Variants in CDH13 observed in about 807,000 individuals in gnomAD.
CDH13 encodes the protein cadherin-13.
Under a neutral mutation model 63.8 loss-of-function variants are expected in CDH13, and 24 were observed. The ratio of observed to expected loss-of-function variants is 0.38; its 90% confidence interval spans 0.27 to 0.53. The LOEUF is 0.53. CDH13 is among the 20% of genes least tolerant of loss of function. The probability of loss-of-function intolerance (pLI) is 0.85; values close to 1 mark genes in which losing one functional copy is unlikely to be tolerated. For missense variants in CDH13, 1,049 were observed against 903.1 expected, an observed-to-expected ratio of 1.16 and a Z score of -2.07; for synonymous variants, 503 against 355.3, an observed-to-expected ratio of 1.42 and a Z score of -4.67.
intron 6 of CDH13, among the ~76,000 whole-genome samples, chr16:83,407,733 A>C (rs2092068557): frequency 6.6e-6 from 1 of 152,128 alleles, no homozygotes. Flanking sequence ...TTCCCTCCTC[A>C]TTTGACCCAA....
chr16:82,772,177 C>A (rs2035294772), intron 1 of CDH13, among the ~76,000 whole-genome samples: 1 of 151,830 alleles, frequency 6.6e-6, no homozygotes, highest in Admixed American at 6.6e-5. Context: ...TGAAATCAGC[C>A]ATGGTGAGAG....
chr16:82,667,540 C>T (rs1012652180), intron 1 of CDH13, among the ~76,000 whole-genome samples: 1 of 152,150 alleles, frequency 6.6e-6, no homozygotes, highest in Non-Finnish European at 1.5e-5. Context: ...TGGGGCTCCT[C>T]TACCGAGTTA....
At chr16:83,731,139 C>G (rs1405501680) in intron 10 of CDH13, among the ~76,000 whole-genome samples, 1 of 152,174 alleles carries the variant, frequency 6.6e-6, no homozygotes. Flanking sequence ...GTGCATGTGT[C>G]TTTTTGGCAA....
intron 1 of CDH13, among the ~76,000 whole-genome samples, chr16:82,856,317 G>C (rs1043032384): frequency 4.0e-5 from 6 of 148,770 alleles, no homozygotes; most frequent in Non-Finnish European, 7.4e-5. Context: ...GGAGCTTGCA[G>C]TGAGCAGAGA....
chr16:83,385,940 T>C (rs1188102849), intron 6 of CDH13, among the ~76,000 whole-genome samples: 1 of 152,212 alleles, frequency 6.6e-6, no homozygotes, highest in Non-Finnish European at 1.5e-5. Flanking sequence ...TAGTTTATCA[T>C]AGTGCTGTGG....
rs67985333 is a variant in CDH13 at position 83,010,135 on chromosome 16, C to CAAAAAAAAAAAAAAA, written c.158-21862_158-21848dup. On this transcript the variant is annotated intron_variant, in intron 2 of 13. Transcript: ENST00000567109. The stretch of plus-strand genomic sequence containing the variant: ...GGGCAACAAGAGCAAAACTCTGTCT[C>CAAAAAAAAAAAAAAA]AAAAAAAAAAAAAAAAAAAAAAAAA... Among the ~76,000 whole-genome samples, 101 of 50,092 alleles carry CAAAAAAAAAAAAAAA rather than the reference C, an allele frequency of 2.0e-3. 1 individual carries two copies. Among genetic ancestry groups the CAAAAAAAAAAAAAAA allele is most frequent in the Non-Finnish European group, 2.3e-3 (68 of 29,778 alleles). The allele number at this position is 50,092 out of a possible 152,430, so 32.9% of individuals were successfully genotyped here.
At chr16:83,508,891 A>G (rs1195918262) in intron 7 of CDH13, among the ~76,000 whole-genome samples, 1 of 146,040 alleles carries the variant, frequency 6.8e-6, no homozygotes, top group East Asian at 2.1e-4. Flanking sequence ...GCTGAGGTGT[A>G]ATGACCCAGC....
At chr16:83,636,923 A>G (rs1911315786) in intron 8 of CDH13, among the ~76,000 whole-genome samples, 1 of 152,118 alleles carries the variant, frequency 6.6e-6, no homozygotes, top group African/African-American at 2.4e-5. Context: ...CAACATCTGT[A>G]ATTTTTTGAC....
At chr16:82,721,274 T>C (rs903630292) in intron 1 of CDH13, among the ~76,000 whole-genome samples, 1 of 152,146 alleles carries the variant, frequency 6.6e-6, no homozygotes, top group Non-Finnish European at 1.5e-5. Flanking sequence ...AAGGATCATA[T>C]TGCAATGTAC....
In CDH13 at chr16:82,929,717, C is replaced by T. The variant is rs186819076; in HGVS notation, c.157+71244C>T. Among the ~76,000 whole-genome samples the T allele has an allele frequency of 3.2e-3, 452 of 141,758 alleles. 2 individuals are homozygous for T. The highest frequency in any genetic ancestry group is 0.011 in the African/African-American group (429 of 39,068). 93.0% of individuals were successfully genotyped at this position (141,758 alleles called of 152,430 possible). A position where few individuals can be genotyped will look rare whatever the true frequency, so the allele number is the denominator to read the frequency against. On this transcript the variant is annotated intron_variant, in intron 2 of 13. Coordinates refer to ENST00000567109, the MANE Select transcript of CDH13 (RefSeq NM_001257.5). The stretch of plus-strand genomic sequence containing the variant: ...CCGTTGATGAACCTGAAAAGAAGCC[C>T]TCACAGACACCAAACTTGCTGGTGC...
At chr16:83,087,288 C>A (rs1196526415) in intron 3 of CDH13, among the ~76,000 whole-genome samples, 1 of 152,134 alleles carries the variant, frequency 6.6e-6, no homozygotes, top group African/African-American at 2.4e-5. Context: ...AAAAGTCTGA[C>A]TCATTTTATT....
intron 8 of CDH13, among the ~76,000 whole-genome samples, chr16:83,650,687 C>T (rs1912287707): frequency 6.6e-6 from 1 of 152,150 alleles, no homozygotes; most frequent in Admixed American, 6.5e-5. Flanking sequence ...GCAGCCCCCA[C>T]CCAATGAACA....
chr16:83,723,145 G>A (rs79119376), intron 10 of CDH13, among the ~76,000 whole-genome samples: 1 of 152,222 alleles, frequency 6.6e-6, no homozygotes, highest in Admixed American at 6.5e-5. Context: ...CCTGTCTTAG[G>A]ATGCTGATGT....
At chr16:83,557,979 G>A (rs369772174) in intron 7 of CDH13, among the ~76,000 whole-genome samples, 2 of 152,134 alleles carry the variant, frequency 1.3e-5, no homozygotes, top group East Asian at 1.9e-4. Context: ...GCTTTTCTTG[G>A]TTGTTTGCTG....
At chr16:83,018,648 A>T (rs1915044919) in intron 2 of CDH13, among the ~76,000 whole-genome samples, 1 of 152,206 alleles carries the variant, frequency 6.6e-6, no homozygotes, top group African/African-American at 2.4e-5. Context: ...ATGCTCTGAG[A>T]ATGCACCACT....
At chr16:83,621,475 C>CTTTTTTTTTTTTTTTT (rs72032168) in intron 8 of CDH13, among the ~76,000 whole-genome samples, 2 of 28,530 alleles carry the variant, frequency 7.0e-5, no homozygotes, top group African/African-American at 1.6e-4. Flanking sequence ...CCTCACCTGC[C>CTTTTTTTTTTTTTTTT]TTTTTTTTTT....
At chr16:83,588,938 C>G (rs1479809863) in intron 7 of CDH13, among the ~76,000 whole-genome samples, 1 of 152,096 alleles carries the variant, frequency 6.6e-6, no homozygotes, top group Non-Finnish European at 1.5e-5. Context: ...CGGTCACCCC[C>G]CAGAGAAGGT....
intron 7 of CDH13, among the ~76,000 whole-genome samples, chr16:83,521,385 A>G (rs566305895): frequency 6.6e-6 from 1 of 152,186 alleles, no homozygotes; most frequent in Non-Finnish European, 1.5e-5. Flanking sequence ...TGGAAAAAAA[A>G]TTGTATTTTT....
chr16:83,521,902 G>A (rs371655496), intron 7 of CDH13, among the ~76,000 whole-genome samples: 23 of 152,306 alleles, frequency 1.5e-4, no homozygotes, highest in African/African-American at 5.3e-4. Flanking sequence ...ACTATATGAG[G>A]TCGTTGAAGT....
Sources: allele counts gnomAD v4.1 joint callset (sites outside exome capture counted in the v4.1 genomes callset), GRCh38; gene constraint gnomAD v4.1.1; transcripts MANE v1.5; gene names NCBI Gene and HGNC (gene_info 2026-07-23, HGNC 2026-07-21).